Variants in SH3KBP1 observed in about 807,000 individuals in gnomAD.
The protein encoded by SH3KBP1 is SH3 domain-containing kinase-binding protein 1.
A neutral mutation model predicts 50.1 loss-of-function variants in SH3KBP1; 8 were observed. The observed-to-expected ratio is 0.16, with a 90% CI of 0.09 to 0.29. SH3KBP1 has a LOEUF of 0.29. SH3KBP1 is among the 10% of genes least tolerant of loss of function. The pLI is 1.00. For synonymous variants in SH3KBP1, 227 were observed against 218.6 expected (o/e 1.04, Z -0.34); for missense variants, 377 against 535.2 (o/e 0.70, Z 2.92).
intron 5 of SH3KBP1, chrX:19,687,484 A>C: frequency 1.9e-6 from 1 of 540,157 alleles, no homozygotes; most frequent in Non-Finnish European, 3.2e-6. Flanking sequence ...AAATAAGTCC[A>C]TGTCCTTGGA....
chrX:19,771,152 A>C (rs2065779337), intron 2 of SH3KBP1, among the ~76,000 whole-genome samples: 1 of 112,410 alleles, frequency 8.9e-6, no homozygotes, highest in Non-Finnish European at 1.9e-5. Flanking sequence ...AAAAAGAAAA[A>C]AACAACAACA....
At position 19,537,704 on chromosome X, in the gene SH3KBP1, C is replaced by T; in HGVS notation, c.1956+13G>A. On this transcript the variant is annotated intron_variant, in intron 17 of 17. Coordinates refer to ENST00000397821, the MANE Select transcript of SH3KBP1 (RefSeq NM_031892.3). The stretch of plus-strand genomic sequence containing the variant: ...CCTAGGACTCACGGGCAGCAGAACC[C>T]AAAGGGACGCACCTGCAACCGAAGC... 8.3e-7 allele frequency: 1 copy of T among 1,207,032 alleles called. No homozygotes were observed. The highest frequency in any genetic ancestry group is 1.7e-5 in the African/African-American group (1 of 57,608).
At chrX:19,568,662 A>T (rs2065918870) in intron 13 of SH3KBP1, among the ~76,000 whole-genome samples, 1 of 111,826 alleles carries the variant, frequency 8.9e-6, no homozygotes, top group African/African-American at 3.3e-5. Flanking sequence ...GGGAAAACTC[A>T]CTCATGTTCT....
At chrX:19,546,380 A>G (rs2065085223) in intron 14 of SH3KBP1, among the ~76,000 whole-genome samples, 1 of 112,066 alleles carries the variant, frequency 8.9e-6, no homozygotes, top group Non-Finnish European at 1.9e-5. Context: ...AGCTGCAGTG[A>G]GCTTGTACTG....
intron 2 of SH3KBP1, among the ~76,000 whole-genome samples, chrX:19,799,246 G>A (rs970902038): frequency 1.8e-5 from 2 of 111,477 alleles, no homozygotes; most frequent in Admixed American, 9.5e-5. Flanking sequence ...ATGCCTGCAG[G>A]GGGTTTGGTT....
chrX:19,685,408 T>C (rs895776629), intron 5 of SH3KBP1, among the ~76,000 whole-genome samples: 2 of 112,354 alleles, frequency 1.8e-5, no homozygotes, highest in African/African-American at 6.5e-5. Flanking sequence ...GTTGTTGTTG[T>C]CATTTTCCAT....
intron 8 of SH3KBP1, among the ~76,000 whole-genome samples, chrX:19,625,326 C>A (rs1407838630): frequency 9.1e-6 from 1 of 110,438 alleles, no homozygotes; most frequent in Middle Eastern, 4.2e-3. Context: ...TCAGGACTCC[C>A]GCCTGCATTT....
At chrX:19,649,712 C>T (rs2062078233) in intron 6 of SH3KBP1, among the ~76,000 whole-genome samples, 1 of 111,679 alleles carries the variant, frequency 9.0e-6, no homozygotes, top group Admixed American at 9.6e-5. Flanking sequence ...ACTCCTAGCG[C>T]TACAAGATCC....
intron 13 of SH3KBP1, among the ~76,000 whole-genome samples, chrX:19,551,550 C>CTTTTTTTTTTTTTTTTTTTT (rs397800260): frequency 1.2e-4 from 11 of 95,169 alleles, no homozygotes; most frequent in African/African-American, 4.3e-4. Flanking sequence ...CTCCCTCCCT[C>CTTTTTTTTTTTTTTTTTTTT]TTTTTTTTTT....
chrX:19,853,666 C>T (rs2068569830), intron 1 of SH3KBP1, among the ~76,000 whole-genome samples: 1 of 111,684 alleles, frequency 9.0e-6, no homozygotes, highest in Admixed American at 9.5e-5. Context: ...CATTCCTTTT[C>T]AGAAGTCCCT....
At chrX:19,736,940 T>G (rs2064599794) in intron 3 of SH3KBP1, among the ~76,000 whole-genome samples, 1 of 102,442 alleles carries the variant, frequency 9.8e-6, no homozygotes, top group African/African-American at 3.6e-5. Context: ...GGGTTCTCGC[T>G]CTGTCACCCA....
intron 1 of SH3KBP1, among the ~76,000 whole-genome samples, chrX:19,878,460 C>T (rs1026873102): frequency 1.0e-5 from 1 of 95,512 alleles, no homozygotes; most frequent in South Asian, 4.9e-4. Context: ...TGTGCCACCA[C>T]GCCTGGCTAA....
chrX:19,636,123 A>G (rs1287003875), intron 7 of SH3KBP1, among the ~76,000 whole-genome samples: 1 of 110,673 alleles, frequency 9.0e-6, no homozygotes, highest in Non-Finnish European at 1.9e-5. Context: ...TCAAATAGGA[A>G]TGAATAGACA....
At chrX:19,756,845 G>C (rs951898621) in intron 2 of SH3KBP1, among the ~76,000 whole-genome samples, 1 of 94,891 alleles carries the variant, frequency 1.1e-5, no homozygotes, top group Non-Finnish European at 2.1e-5. Flanking sequence ...TACCAAGAAA[G>C]ACAATCACCA....
intron 6 of SH3KBP1, chrX:19,683,312 T>A (rs774849222): frequency 2.7e-6 from 1 of 369,350 alleles, no homozygotes; most frequent in Non-Finnish European, 5.3e-6. Flanking sequence ...GCACAGGCCA[T>A]CTCCATCATT....
Position 19,775,494 on chromosome X carries a change from T to C in SH3KBP1, c.163-29053A>G, listed in dbSNP as rs759097532. Among the ~76,000 whole-genome samples the C allele has an allele frequency of 1.4e-3, 162 of 112,220 alleles. 1 individual carries two copies. Among genetic ancestry groups the C allele is most frequent in the African/African-American group, 5.1e-3 (156 of 30,889 alleles). On this transcript the variant is annotated intron_variant, in intron 2 of 17. Coordinates refer to ENST00000397821, the MANE Select transcript of SH3KBP1 (RefSeq NM_031892.3). ...TGTTTCTCACAAAATATTAGCACTG[T>C]ATCTTACACTCACGTGCCTGCTTAC...
At chrX:19,637,483 A>G (rs2061736135) in intron 7 of SH3KBP1, among the ~76,000 whole-genome samples, 3 of 112,021 alleles carry the variant, frequency 2.7e-5, no homozygotes, top group Admixed American at 1.9e-4. Flanking sequence ...CATTCGGCTT[A>G]AAGTGTCAGA....
chrX:19,867,313 T>C (rs1334722165), intron 1 of SH3KBP1, among the ~76,000 whole-genome samples: 1 of 110,357 alleles, frequency 9.1e-6, no homozygotes, highest in Non-Finnish European at 1.9e-5. Flanking sequence ...AAGTTAGGGG[T>C]GGGGAGGGAG....
At chrX:19,628,346 TGA>T (rs1247977479) in intron 8 of SH3KBP1, among the ~76,000 whole-genome samples, 1 of 111,593 alleles carries the variant, frequency 9.0e-6, no homozygotes, top group Non-Finnish European at 1.9e-5. Context: ...TGGGTGCCAC[TGA>T]CAGACTCCTC....
Sources: gnomAD v4.1 joint callset for allele counts (sites outside exome capture counted in the v4.1 genomes callset) on GRCh38, gnomAD v4.1.1 for gene constraint, MANE v1.5 for transcripts, NCBI Gene and HGNC (gene_info 2026-07-23, HGNC 2026-07-21) for gene names.